The following ANKHD1 variants were observed in gnomAD, a reference collection of about 807,000 sequenced individuals.
The protein encoded by ANKHD1 is ankyrin repeat and KH domain containing 1, also known as ankyrin repeat and KH domain-containing protein 1.
A neutral mutation model predicts 230.5 loss-of-function variants in ANKHD1; 31 were observed. The observed-to-expected ratio is 0.13, with a 90% CI of 0.10 to 0.18. The LOEUF (loss-of-function observed/expected upper bound fraction) is 0.18, where lower values mean the gene tolerates loss of function less well. ANKHD1 is among the 10% of genes least tolerant of loss of function. ANKHD1 has a pLI of 1.00. For synonymous variants in ANKHD1, 1,074 were observed against 1,117.6 expected, an observed-to-expected ratio of 0.96 and a Z score of 0.78; for missense variants, 2,256 against 3,071.3, an observed-to-expected ratio of 0.73 and a Z score of 6.27.
intron 1 of ANKHD1, among the ~76,000 whole-genome samples, chr5:140,413,857 T>C (rs1038056076): frequency 3.9e-5 from 6 of 152,164 alleles, no homozygotes; most frequent in African/African-American, 1.4e-4. Flanking sequence ...CTCAGCTCAC[T>C]GCAACCTCCA....
intron 15 of ANKHD1, among the ~76,000 whole-genome samples, chr5:140,501,015 TAAG>T (rs1360932017): frequency 2.0e-5 from 3 of 151,506 alleles, no homozygotes; most frequent in African/African-American, 4.9e-5. Flanking sequence ...AAAAAGTAAT[TAAG>T]AAATCCTCTT....
Position 140,529,737 on chromosome 5 carries a change from A to G in ANKHD1, c.6791A>G (p.Asp2264Gly), listed in dbSNP as rs751319866. 2.0e-5 allele frequency: 32 copies of G among 1,614,082 alleles called. No homozygotes were observed. The highest frequency in any genetic ancestry group is 2.6e-5 in the Non-Finnish European group (31 of 1,180,052). The change falls in exon 29 of 34, where the codon GAT (aspartate) becomes GGT (glycine). Residue 2264 changes from aspartate to glycine, a missense_variant. By Grantham distance (94) the Asp-to-Gly change is moderately conservative (BLOSUM62 -1). Coordinates refer to ENST00000360839, the MANE Select transcript of ANKHD1 (RefSeq NM_017747.3). ...VLGHLENMHP[D>G]NSKAPGFRPP... ...GGACACTTGGAAAACATGCACCCTG[A>G]TAACTCAAAGGCACCTGGCTTCAGA...
rs1260273445 is a variant in ANKHD1, at chr5:140,457,100, A to G, written c.1243-1525A>G. Among the ~76,000 whole-genome samples, 6 of 152,370 alleles carry G rather than the reference A, an allele frequency of 3.9e-5. No homozygotes were observed. In the South Asian group the frequency reaches 1.2e-3, roughly 32 times the overall value. ...TTTATGCAGCCAACAGACACATGAA[A>G]AAATGCTCCTCATCACTGGCCATCA... is the stretch of plus-strand genomic sequence containing the variant. On this transcript the variant is annotated intron_variant, in intron 7 of 33. Transcript: ENST00000360839.
At chr5:140,461,228 C>T (rs1027907229) in intron 9 of ANKHD1, among the ~76,000 whole-genome samples, 33 of 152,238 alleles carry the variant, frequency 2.2e-4, no homozygotes, top group African/African-American at 6.5e-4. Flanking sequence ...ATAACTCCGT[C>T]GAAGGTAACC....
chr5:140,535,564 C>T, intron 30 of ANKHD1, 26 bp downstream of exon 30: 1 of 1,557,742 alleles, frequency 6.4e-7, no homozygotes, highest in Non-Finnish European at 8.6e-7. Context: ...GAACTCTTCC[C>T]AAAGAGTTTT....
intron 1 of ANKHD1, among the ~76,000 whole-genome samples, chr5:140,406,561 ATTT>A (rs1401314294): frequency 2.8e-5 from 4 of 141,034 alleles, no homozygotes; most frequent in Non-Finnish European, 1.6e-5. Flanking sequence ...CTTTCAGTAC[ATTT>A]TTTTTTTTTT....
At chr5:140,449,978 C>A (rs1054421436) in intron 7 of ANKHD1, among the ~76,000 whole-genome samples, 1 of 152,048 alleles carries the variant, frequency 6.6e-6, no homozygotes, top group African/African-American at 2.4e-5. Context: ...ATATACAATT[C>A]TCTGTGTCAC....
At position 140,509,664 on chromosome 5, in the gene ANKHD1, G is replaced by A. The variant is rs541539927; in HGVS notation, c.3793G>A (p.Ala1265Thr). 1 of 1,592,356 alleles carries A rather than the reference G, an allele frequency of 6.3e-7. No individual in the cohort carries two copies. Among genetic ancestry groups the A allele is most frequent in the South Asian group, 1.2e-5 (1 of 86,460 alleles). The change falls in exon 21 of 34, where the codon GCT becomes ACT. Residue 1265 changes from alanine (A) to threonine (T), a missense_variant. Ala to Thr is a moderately conservative substitution (Grantham distance 58). Coordinates refer to ENST00000360839, the MANE Select transcript of ANKHD1 (RefSeq NM_017747.3). ...KTGLTPLMEA[A>T]SGGYAEVGRV... ...GGGTCTTACCCCCTTGATGGAAGCA[G>A]CTTCTGGAGGGTATGCAGAGGTTGG... is the stretch of plus-strand genomic sequence containing the variant.
intron 24 of ANKHD1, among the ~76,000 whole-genome samples, chr5:140,522,551 T>C (rs1210738915): frequency 6.6e-6 from 1 of 152,052 alleles, no homozygotes; most frequent in East Asian, 1.9e-4. Context: ...AATATTTTCA[T>C]GTTAAGCTAT....
At chr5:140,491,139 C>CACATATATATAT (rs1460352213) in intron 14 of ANKHD1, among the ~76,000 whole-genome samples, 56 of 56,332 alleles carry the variant, frequency 9.9e-4, no homozygotes, top group Admixed American at 1.3e-3. Flanking sequence ...TATATATACA[C>CACATATATATAT]ATATATATAT....
At chr5:140,456,818 C>T (rs1323117265) in intron 7 of ANKHD1, among the ~76,000 whole-genome samples, 2 of 152,158 alleles carry the variant, frequency 1.3e-5, no homozygotes, top group Admixed American at 1.3e-4. Context: ...ATGTCTAAAA[C>T]ACCAAAAGCA....
chr5:140,475,141 G>A (rs1237882815), intron 10 of ANKHD1, among the ~76,000 whole-genome samples: 1 of 152,128 alleles, frequency 6.6e-6, no homozygotes. Context: ...TCTCCAGGTT[G>A]TTTAAATATA....
At chr5:140,413,976 T>C (rs1460615860) in intron 1 of ANKHD1, among the ~76,000 whole-genome samples, 1 of 152,080 alleles carries the variant, frequency 6.6e-6, no homozygotes, top group Admixed American at 6.6e-5. Flanking sequence ...AGATGGGGTT[T>C]TGCTATGTAG....
At chr5:140,518,267 A>G (rs1201240975) in intron 24 of ANKHD1, among the ~76,000 whole-genome samples, 1 of 152,144 alleles carries the variant, frequency 6.6e-6, no homozygotes, top group Admixed American at 6.5e-5. Context: ...ATAGACCAAG[A>G]ACAGGAGCTG....
intron 10 of ANKHD1, among the ~76,000 whole-genome samples, chr5:140,476,946 G>C (rs990511922): frequency 6.6e-6 from 1 of 152,046 alleles, no homozygotes; most frequent in African/African-American, 2.4e-5. Flanking sequence ...AGAAGGTACT[G>C]AATAAAGTTT....
chr5:140,506,552 A>G lies in ANKHD1; in HGVS notation c.3409-283A>G, dbSNP rs1011792193. Among the ~76,000 whole-genome samples the G allele has an allele frequency of 6.6e-6, 1 of 152,230 alleles. No homozygotes were observed. Among genetic ancestry groups the G allele is most frequent in the Non-Finnish European group, 1.5e-5 (1 of 68,042 alleles). On this transcript the variant is annotated intron_variant, in intron 18 of 33. Transcript: ENST00000360839. The surrounding 1 kb of genome is among the most constrained non-coding windows in gnomAD (Gnocchi z 4.7). ...CATTTATTCGGATTGAATGAATCAC[A>G]ATTCTAACACATATGAAGTGCAAAT...
intron 1 of ANKHD1, among the ~76,000 whole-genome samples, chr5:140,405,868 A>G (rs938960368): frequency 6.6e-6 from 1 of 151,904 alleles, no homozygotes; most frequent in African/African-American, 2.4e-5. Context: ...TCTGGCCTCA[A>G]GTGATTCTCC....
chr5:140,477,029 A>G (rs1354727720), intron 10 of ANKHD1, among the ~76,000 whole-genome samples: 2 of 152,308 alleles, frequency 1.3e-5, no homozygotes, highest in East Asian at 3.9e-4. Context: ...AAGGGCAGAG[A>G]CTTCTGAATT....
intron 7 of ANKHD1, among the ~76,000 whole-genome samples, chr5:140,451,761 A>C (rs775890441): frequency 6.6e-6 from 1 of 152,144 alleles, no homozygotes; most frequent in African/African-American, 2.4e-5. Flanking sequence ...GTCTGCCTCA[A>C]CTTCCCAAAG....
Sources: gnomAD v4.1 joint callset for allele counts (sites outside exome capture counted in the v4.1 genomes callset) on GRCh38, gnomAD v4.1.1 for gene constraint, Gnocchi (gnomAD v3.1) non-coding constraint, MANE v1.5 for transcripts, NCBI Gene and HGNC (gene_info 2026-07-23, HGNC 2026-07-21) for gene names.